The following PCBP4 variants were observed in gnomAD, a reference collection of about 807,000 sequenced individuals.
PCBP4 encodes the protein poly(rC)-binding protein 4.
A neutral mutation model predicts 46.2 loss-of-function variants in PCBP4; 24 were observed. That is an observed-to-expected ratio of 0.52 (90% CI 0.38 to 0.73). The LOEUF (loss-of-function observed/expected upper bound fraction) is 0.73, where lower values mean the gene tolerates loss of function less well. Among genes scored for constraint, PCBP4 ranks in the 30% least tolerant of loss-of-function variants. The pLI, the probability that PCBP4 is intolerant of heterozygous loss-of-function variation, is 0.00. For synonymous variants in PCBP4, 203 were observed against 224.4 expected, an observed-to-expected ratio of 0.90 and a Z score of 0.85; for missense variants, 407 against 537.0, an observed-to-expected ratio of 0.76 and a Z score of 2.39.
Position 51,959,376 on chromosome 3 carries a change from G to T in PCBP4, c.627C>A (p.Thr209=). The T allele has an allele frequency of 1.2e-6, 2 of 1,612,654 alleles. No homozygotes were observed. Among genetic ancestry groups the T allele is most frequent in the Non-Finnish European group, 8.5e-7 (1 of 1,179,220 alleles). The stretch of plus-strand genomic sequence containing the variant: ...GCTATGGGTCACTCACCTCAGCTGG[G>T]GTCACAGCCCCATACTGACCCTGGA... ...FSVQGQYGAV[T]PAEVTKLQQL... Residue 209 remains threonine (T), a synonymous_variant, in exon 10 of 14, where the codon ACC becomes ACA. Transcript: ENST00000461554. This position sits in a 1 kb window ranked among gnomAD's most constrained non-coding sequence, Gnocchi z 5.6.
At chr3:51,965,030 G>A (rs571034497) in intron 1 of PCBP4, among the ~76,000 whole-genome samples, 3 of 152,294 alleles carry the variant, frequency 2.0e-5, no homozygotes, top group East Asian at 3.9e-4. Flanking sequence ...AGGAGTCTTC[G>A]GAACCAAGGG....
At chr3:51,966,269 C>G (rs529431506) in intron 1 of PCBP4, among the ~76,000 whole-genome samples, 1 of 152,272 alleles carries the variant, frequency 6.6e-6, no homozygotes, top group South Asian at 2.1e-4. Context: ...TCCCAGCCCC[C>G]CACCCTGAGC....
At chr3:51,961,127 C>G in intron 3 of PCBP4, 33 bp downstream of exon 3, 3 of 1,613,862 alleles carry the variant, frequency 1.9e-6, no homozygotes, top group Non-Finnish European at 2.5e-6. Context: ...CCAGCCCAGC[C>G]TTGCCTCGCC....
At position 51,960,709 on chromosome 3, in the gene PCBP4, C is replaced by T; in HGVS notation, c.139-67G>A. ...CTGCTCCCTTGCCGGAACTTGTCTG[C>T]CTGCCCCACTCACCAGGCCTGAGGC... On this transcript the variant is annotated intron_variant, in intron 5 of 13. Coordinates refer to ENST00000461554, the MANE Select transcript of PCBP4 (RefSeq NM_001174100.2). This position sits in a 1 kb window ranked among gnomAD's most constrained non-coding sequence, Gnocchi z 5.0. 1.3e-6 allele frequency: 2 copies of T among 1,483,390 alleles called. No homozygotes were observed. Among genetic ancestry groups the T allele is most frequent in the Non-Finnish European group, 9.4e-7 (1 of 1,060,880 alleles). 91.9% of individuals were successfully genotyped at this position (1,483,390 alleles called of 1,614,324 possible). A position where few individuals can be genotyped will look rare whatever the true frequency, so the allele number is the denominator to read the frequency against.
At chr3:51,964,492 G>GCTTCA (rs1700323223) in intron 1 of PCBP4, among the ~76,000 whole-genome samples, 1 of 152,168 alleles carries the variant, frequency 6.6e-6, no homozygotes, top group Admixed American at 6.5e-5. Flanking sequence ...ACCCACCTGG[G>GCTTCA]CTTCACTCTC....
Position 51,961,254 on chromosome 3 carries a change from G to A in PCBP4, c.-14C>T, listed in dbSNP as rs1479943309. On this transcript the variant is annotated 5_prime_UTR_variant, in exon 3 of 14. Transcript: ENST00000461554. ...CGAGCCGCTCATTCTGTCAGGCGAG[G>A]CTGGGGCCACAGCGACCTGCGAGTG... 5 of 1,609,392 alleles carry A rather than the reference G, an allele frequency of 3.1e-6. No homozygotes were observed. Among genetic ancestry groups the A allele is most frequent in the East Asian group, 2.2e-5 (1 of 44,844 alleles).
At chr3:51,961,777 G>A in intron 2 of PCBP4, 164 bp downstream of exon 2, 3 of 988,512 alleles carry the variant, frequency 3.0e-6, no homozygotes, top group Non-Finnish European at 3.6e-6. Context: ...TCGTCCAGCA[G>A]CCAGATGGTG....
chr3:51,960,121 C>G lies in PCBP4; in HGVS notation c.387+68G>C, dbSNP rs755585650. The G allele has an allele frequency of 6.2e-7, 1 of 1,614,094 alleles. No individual in the cohort carries two copies. The highest frequency in any genetic ancestry group is 1.3e-5 in the African/African-American group (1 of 75,064). On this transcript the variant is annotated intron_variant, in intron 7 of 13. Transcript: ENST00000461554. This position sits in a 1 kb window ranked among gnomAD's most constrained non-coding sequence, Gnocchi z 5.0. The stretch of plus-strand genomic sequence containing the variant: ...CTCTAGGTGGGGAGGACGCCATAAG[C>G]CCAACACCCCTCTTACAACTGCTCC...
chr3:51,960,654 G>A lies in PCBP4; in HGVS notation c.139-12C>T. 6.2e-7 allele frequency: 1 copy of A among 1,602,030 alleles called. No homozygotes were observed. The highest frequency in any genetic ancestry group is 8.6e-7 in the Non-Finnish European group (1 of 1,169,010). Reference sequence around the variant, plus strand: ...ATCCGGGCACTGCTCTGCAGATATAGAATGAGCGCCGGGCAGCGGGGCATC... The same window carrying A: ...ATCCGGGCACTGCTCTGCAGATATAAAATGAGCGCCGGGCAGCGGGGCATC... On this transcript the variant is annotated splice_polypyrimidine_tract_variant and intron_variant, in intron 5 of 13. Transcript: ENST00000461554. This position sits in a 1 kb window ranked among gnomAD's most constrained non-coding sequence, Gnocchi z 5.0.
rs780826720 is a variant in PCBP4, at chr3:51,958,860, C to T, written c.853G>A (p.Gly285Arg). Residue 285 changes from glycine (G) to arginine (R), a missense_variant, in exon 13 of 14, where the codon GGG becomes AGG. By Grantham distance (125) the Gly-to-Arg change is moderately radical (BLOSUM62 -2). Coordinates refer to ENST00000461554, the MANE Select transcript of PCBP4 (RefSeq NM_001174100.2). This position sits in a 1 kb window ranked among gnomAD's most constrained non-coding sequence, Gnocchi z 5.4. ...CCAGTGATGGTGACATGCCGCTCCCCAGCGCCCTCTGCTTGGTTCCCGATC... is the reference window on the plus strand; with the variant it reads ...CCAGTGATGGTGACATGCCGCTCCCTAGCGCCCTCTGCTTGGTTCCCGATC... Reference protein sequence around the residue: ...IKIGNQAEGAGERHVTITGSP... With the variant: ...IKIGNQAEGARERHVTITGSP... 8.1e-6 allele frequency: 13 copies of T among 1,613,886 alleles called. No individual in the cohort carries two copies. Among genetic ancestry groups the T allele is most frequent in the Non-Finnish European group, 1.1e-5 (13 of 1,179,968 alleles).
At chr3:51,962,620 G>A (rs187662191) in intron 1 of PCBP4, among the ~76,000 whole-genome samples, 44 of 152,278 alleles carry the variant, frequency 2.9e-4, no homozygotes, top group African/African-American at 9.4e-4. Flanking sequence ...GTCTCTGGGC[G>A]CCTTCCTCCT....
rs756158584 is a variant in PCBP4, at chr3:51,960,982, G to C, written c.105+28C>G. The C allele has an allele frequency of 6.2e-7, 1 of 1,614,084 alleles. No individual in the cohort carries two copies. The highest frequency in any genetic ancestry group is 8.5e-7 in the Non-Finnish European group (1 of 1,180,016). On this transcript the variant is annotated intron_variant, in intron 4 of 13. Coordinates refer to ENST00000461554, the MANE Select transcript of PCBP4 (RefSeq NM_001174100.2). The surrounding 1 kb of genome is among the most constrained non-coding windows in gnomAD (Gnocchi z 5.0). ...TGGGCTGAAGCCTCAGCTGGAGGGG[G>C]ATGTACAGAGCAGAGCTAGGCACCT... is the stretch of plus-strand genomic sequence containing the variant.
At chr3:51,961,492 C>T in intron 2 of PCBP4, 188 bp from the exon 3 acceptor site, 1 of 663,142 alleles carries the variant, frequency 1.5e-6, no homozygotes, top group Non-Finnish European at 2.4e-6. Flanking sequence ...GCCTGGGGAG[C>T]CCATTCAACC....
chr3:51,961,350 C>T (rs988264035), intron 2 of PCBP4, 46 bp from the exon 3 acceptor site: 19 of 1,482,218 alleles, frequency 1.3e-5, no homozygotes, highest in Non-Finnish European at 1.7e-5. Context: ...CCCAGTCCAC[C>T]CTGCCCCTGC....
chr3:51,961,689 T>G, intron 2 of PCBP4: 4 of 954,758 alleles, frequency 4.2e-6, no homozygotes, highest in Non-Finnish European at 5.0e-6. Flanking sequence ...CCCTGACCTC[T>G]TGGAAGAGGT....
At chr3:51,964,554 G>T (rs1228125329) in intron 1 of PCBP4, among the ~76,000 whole-genome samples, 5 of 152,080 alleles carry the variant, frequency 3.3e-5, no homozygotes. Flanking sequence ...CCACCTAGCA[G>T]CCCCCTTCTC....
chr3:51,960,361 C>A lies in PCBP4; in HGVS notation c.256-41G>T. 1 of 1,602,710 alleles carries A rather than the reference C, an allele frequency of 6.2e-7. No individual in the cohort carries two copies. Among genetic ancestry groups the A allele is most frequent in the South Asian group, 1.1e-5 (1 of 89,448 alleles). ...GGTGGGTTGGCCATGCTCGTCCCTG[C>A]TATATCTGCCCAGGGGTCAGGAGGG... On this transcript the variant is annotated intron_variant, in intron 6 of 13. Coordinates refer to ENST00000461554, the MANE Select transcript of PCBP4 (RefSeq NM_001174100.2). This position sits in a 1 kb window ranked among gnomAD's most constrained non-coding sequence, Gnocchi z 5.0.
In PCBP4 at chr3:51,959,813, AC is replaced by A; in HGVS notation, c.516+81del. ...AGCCCTGCCCTGCCCCACCTGCAGC[AC>A]AGGCATAGGGTTTGGGGTCCCCGAC... On this transcript the variant is annotated intron_variant, in intron 8 of 13. Transcript: ENST00000461554. The surrounding 1 kb of genome is among the most constrained non-coding windows in gnomAD (Gnocchi z 5.6). 1 of 1,536,586 alleles carries A rather than the reference AC, an allele frequency of 6.5e-7. No individual in the cohort carries two copies. Among genetic ancestry groups the A allele is most frequent in the Admixed American group, 1.9e-5 (1 of 51,736 alleles).
rs758664650 is a variant in PCBP4, at chr3:51,961,167, T to C, written c.74A>G (p.His25Arg). The change falls in exon 3 of 14, where the codon CAC becomes CGC. Residue 25 changes from histidine to arginine, a missense_variant. Transcript: ENST00000461554. ...CCTCCACCTCCCGCTCACCTTCCCGTGCATCAGCATCCGCAGCGTGAGGGT... is the reference window on the plus strand; with the variant it reads ...CCTCCACCTCCCGCTCACCTTCCCGCGCATCAGCATCCGCAGCGTGAGGGT... ...SITLTLRMLM[H>R]GKEVGSIIGK... is the part of the protein sequence containing the mutation. The C allele has an allele frequency of 2.5e-6, 4 of 1,613,760 alleles. No homozygotes were observed. Among genetic ancestry groups the C allele is most frequent in the Non-Finnish European group, 2.5e-6 (3 of 1,180,006 alleles).
Sources: gnomAD v4.1 joint callset for allele counts (sites outside exome capture counted in the v4.1 genomes callset) on GRCh38, gnomAD v4.1.1 for gene constraint, Gnocchi (gnomAD v3.1) non-coding constraint, MANE v1.5 for transcripts, NCBI Gene and HGNC (gene_info 2026-07-23, HGNC 2026-07-21) for gene names.